CFAP20DC: variants seen among roughly 807,000 people sequenced by gnomAD.
The protein encoded by CFAP20DC is protein CFAP20DC.
Under a neutral mutation model 101.7 loss-of-function variants are expected in CFAP20DC, and 84 were observed. That is an observed-to-expected ratio of 0.83 (90% CI 0.69 to 0.99). The LOEUF is 0.99. CFAP20DC is among the 50% of genes least tolerant of loss of function. CFAP20DC has a pLI of 0.00. For missense variants in CFAP20DC, 1,007 were observed against 970.3 expected (o/e 1.04, Z -0.50); for synonymous variants, 359 against 351.2 (o/e 1.02, Z -0.25).
intron 10 of CFAP20DC, among the ~76,000 whole-genome samples, 187 bp downstream of exon 10, chr3:58,867,630 C>T (rs2079804176): frequency 6.6e-6 from 1 of 152,080 alleles, no homozygotes; most frequent in South Asian, 2.1e-4. Context: ...TTTAATCCAG[C>T]AAATCTCCAT....
chr3:58,914,760 C>A lies in CFAP20DC; in HGVS notation c.394-896G>T, dbSNP rs1455458668. 2 of 150,134 alleles carry A rather than the reference C, an allele frequency of 1.3e-5. No homozygotes were observed. Among genetic ancestry groups the A allele is most frequent in the African/African-American group, 4.9e-5 (2 of 40,792 alleles). The allele number at this position is 150,134 out of a possible 1,614,324, so 9.3% of individuals were successfully genotyped here. A position where few individuals can be genotyped will look rare whatever the true frequency, so the allele number is the denominator to read the frequency against. On this transcript the variant is annotated intron_variant, in intron 5 of 16. Transcript: ENST00000482387. The surrounding 1 kb of genome is among the most constrained non-coding windows in gnomAD (Gnocchi z 4.9). ...ATGCTGATTTTAATATGGAGGTGAACCTTAGGTTGCTTCCACAGTAGAAAA... is the reference window on the plus strand; with the variant it reads ...ATGCTGATTTTAATATGGAGGTGAAACTTAGGTTGCTTCCACAGTAGAAAA...
rs2086524762 is a variant in CFAP20DC, at chr3:58,930,718, A to AT, written c.393+6929dup. Among the ~76,000 whole-genome samples, 6 of 152,284 alleles carry AT rather than the reference A, an allele frequency of 3.9e-5. No homozygotes were observed. The South Asian group carries it at 1.2e-3, about 32-fold the overall frequency. On this transcript the variant is annotated intron_variant, in intron 5 of 16. Transcript: ENST00000482387. ...TATTTTTATGTTGTATTTTGGGAAAATTACACTGGTTTTCCACTTATAAAA... is the reference window on the plus strand; with the variant it reads ...TATTTTTATGTTGTATTTTGGGAAAATTTACACTGGTTTTCCACTTATAAAA...
chr3:58,754,201 G>C (rs935349524), intron 15 of CFAP20DC, among the ~76,000 whole-genome samples: 3 of 152,142 alleles, frequency 2.0e-5, no homozygotes, highest in Non-Finnish European at 4.4e-5. Flanking sequence ...AGCTCCTTAT[G>C]AGCTTTGGGT....
Position 58,787,431 on chromosome 3 carries a change from T to TA in CFAP20DC, c.2237+18963dup, listed in dbSNP as rs2072455314. ...GTGCAGCACACCAGCATGGCACATG[T>TA]ATACGTATGTAACTAACCTGCACAA... On this transcript the variant is annotated intron_variant, in intron 15 of 16. Transcript: ENST00000482387. 1.3e-5 allele frequency among the ~76,000 whole-genome samples: 2 copies of TA among 151,748 alleles called. 1 individual carries two copies. Among genetic ancestry groups the TA allele is most frequent in the South Asian group, 4.2e-4 (2 of 4,796 alleles).
rs1366755382 is a variant in CFAP20DC, at chr3:58,910,130, C to T, written c.550+3578G>A. On this transcript the variant is annotated intron_variant, in intron 6 of 16. Coordinates refer to ENST00000482387, the MANE Select transcript of CFAP20DC (RefSeq NM_001394063.1). ...CTGTACCACATTTTCTTTATTCAGT[C>T]TATCACTGATGGGCATTTGGGTTGA... 3.3e-5 allele frequency among the ~76,000 whole-genome samples: 5 copies of T among 152,264 alleles called. No homozygotes were observed. The East Asian group carries it at 9.6e-4, about 29-fold the overall frequency.
At chr3:58,822,979 C>G (rs1023414174) in intron 14 of CFAP20DC, among the ~76,000 whole-genome samples, 15 of 152,174 alleles carry the variant, frequency 9.9e-5, no homozygotes, top group Admixed American at 7.2e-4. Context: ...AGAGAAGAAT[C>G]TGAACAAAAG....
At chr3:58,857,991 T>A (rs2078974021) in intron 12 of CFAP20DC, among the ~76,000 whole-genome samples, 1 of 152,170 alleles carries the variant, frequency 6.6e-6, no homozygotes, top group Non-Finnish European at 1.5e-5. Context: ...ATTATGTGCA[T>A]GAGAAGTTAG....
At chr3:58,992,253 T>G (rs1355115648) in intron 4 of CFAP20DC, among the ~76,000 whole-genome samples, 1 of 152,162 alleles carries the variant, frequency 6.6e-6, no homozygotes, top group Non-Finnish European at 1.5e-5. Context: ...TGCAAATGTA[T>G]TATTACCAGT....
chr3:59,022,907 A>G (rs1401073122), intron 4 of CFAP20DC, among the ~76,000 whole-genome samples: 1 of 152,078 alleles, frequency 6.6e-6, no homozygotes, highest in African/African-American at 2.4e-5. Context: ...TTACTTGAAT[A>G]TATTTCAAGA....
At chr3:59,042,178 G>A (rs1186875334) in intron 3 of CFAP20DC, among the ~76,000 whole-genome samples, 2 of 152,008 alleles carry the variant, frequency 1.3e-5, no homozygotes, top group African/African-American at 2.4e-5. Context: ...AGGAACAAAC[G>A]TTGCTGGCAG....
rs747981632 is a variant in CFAP20DC at position 59,007,023 on chromosome 3, G to A, written c.278+32534C>T. 1.3e-5 allele frequency among the ~76,000 whole-genome samples: 2 copies of A among 152,124 alleles called. No homozygotes were observed. Among genetic ancestry groups the A allele is most frequent in the East Asian group, 3.9e-4 (2 of 5,190 alleles). On this transcript the variant is annotated intron_variant, in intron 4 of 16. Coordinates refer to ENST00000482387, the MANE Select transcript of CFAP20DC (RefSeq NM_001394063.1). The surrounding 1 kb of genome is among the most constrained non-coding windows in gnomAD (Gnocchi z 4.4). ...AGTGGGGCACTGCGAGAGCGAGACT[G>A]GCCTTGCCAACTGTGTGGAGCTGGG...
chr3:59,040,185 ACCTTTTG>A (rs1475775642), intron 3 of CFAP20DC, among the ~76,000 whole-genome samples: 7 of 152,036 alleles, frequency 4.6e-5, no homozygotes, highest in Admixed American at 2.0e-4. Context: ...TTTCATTTAA[ACCTTTTG>A]TTAATTAACA....
chr3:58,907,674 C>A (rs1476355951), intron 6 of CFAP20DC, among the ~76,000 whole-genome samples: 1 of 152,150 alleles, frequency 6.6e-6, no homozygotes, highest in Non-Finnish European at 1.5e-5. Flanking sequence ...CGCTACAATA[C>A]CAACTTAACT....
rs542746258 is a variant in CFAP20DC, at chr3:58,790,068, A to C, written c.2237+16327T>G. 5.3e-5 allele frequency among the ~76,000 whole-genome samples: 8 copies of C among 152,278 alleles called. No individual in the cohort carries two copies. In the East Asian group the frequency reaches 1.5e-3, roughly 29 times the overall value. ...TTATTAATATTGATGTGTAATGTAA[A>C]CAGAGAAAAATGCACAAATCATAGC... On this transcript the variant is annotated intron_variant, in intron 15 of 16. Transcript: ENST00000482387.
chr3:58,761,469 ATCT>A (rs1220830845), intron 15 of CFAP20DC, among the ~76,000 whole-genome samples: 2 of 151,900 alleles, frequency 1.3e-5, no homozygotes, highest in Non-Finnish European at 2.9e-5. Flanking sequence ...AATTTTGTTG[ATCT>A]TCTCAAAAAA....
At chr3:58,754,259 T>A (rs1011049105) in intron 15 of CFAP20DC, among the ~76,000 whole-genome samples, 1 of 152,166 alleles carries the variant, frequency 6.6e-6, no homozygotes, top group African/African-American at 2.4e-5. Context: ...ATGGTCACAC[T>A]CCACAAGGTG....
chr3:58,726,826 G>A (rs1461121426), intron 3 of CFAP20DC: 2 of 253,658 alleles, frequency 7.9e-6, no homozygotes, highest in Admixed American at 5.9e-5. Flanking sequence ...CACGCCATCA[G>A]AAGAGATGAG....
At chr3:58,936,883 C>A (rs559805549) in intron 5 of CFAP20DC, among the ~76,000 whole-genome samples, 33 of 151,466 alleles carry the variant, frequency 2.2e-4, no homozygotes, top group Non-Finnish European at 4.3e-4. Flanking sequence ...TGTAACTAAC[C>A]TGCACATTGT....
intron 16 of CFAP20DC, among the ~76,000 whole-genome samples, chr3:58,746,688 A>G (rs902663228): frequency 6.6e-6 from 1 of 152,184 alleles, no homozygotes; most frequent in Non-Finnish European, 1.5e-5. Context: ...CATGGGGACT[A>G]AGATAGGTTT....
Sources: allele counts gnomAD v4.1 joint callset (sites outside exome capture counted in the v4.1 genomes callset), GRCh38; gene constraint gnomAD v4.1.1; non-coding constraint Gnocchi (gnomAD v3.1); transcripts MANE v1.5; gene names NCBI Gene and HGNC (gene_info 2026-07-23, HGNC 2026-07-21).